The following PBX4 variants were observed in gnomAD, a reference collection of about 807,000 sequenced individuals.
The protein encoded by PBX4 is PBX homeobox 4.
In PBX4, 26 loss-of-function variants were observed where a neutral mutation model predicts 35.1. The observed-to-expected ratio is 0.74, with a 90% CI of 0.54 to 1.03. The LOEUF (loss-of-function observed/expected upper bound fraction) is 1.03, where lower values mean the gene tolerates loss of function less well. Ranked by LOEUF, PBX4 falls within the 50% of genes least tolerant of loss-of-function variation. The pLI is 0.00. For synonymous variants in PBX4, 199 were observed against 204.2 expected (o/e 0.97, Z 0.22); for missense variants, 448 against 504.3 (o/e 0.89, Z 1.07).
chr19:19,594,352 C>T (rs1342618148), intron 2 of PBX4, among the ~76,000 whole-genome samples: 2 of 150,680 alleles, frequency 1.3e-5, no homozygotes, highest in South Asian at 2.1e-4. Context: ...GCCGAGATTG[C>T]GCCATTGCAC....
chr19:19,606,697 G>A (rs572058331), intron 1 of PBX4: 1 of 152,314 alleles, frequency 6.6e-6, no homozygotes, highest in South Asian at 2.1e-4. Context: ...GACACGTTAT[G>A]GCTGGGTGCC....
At chr19:19,592,326 G>C (rs2061533815) in intron 2 of PBX4, among the ~76,000 whole-genome samples, 1 of 152,340 alleles carries the variant, frequency 6.6e-6, no homozygotes, top group East Asian at 1.9e-4. Flanking sequence ...TTTGTTCTCA[G>C]AACAGCTCCT....
intron 2 of PBX4, among the ~76,000 whole-genome samples, chr19:19,583,999 G>A (rs1188588720): frequency 1.3e-5 from 2 of 152,174 alleles, no homozygotes; most frequent in South Asian, 2.1e-4. Context: ...AACCCACGAG[G>A]CGGAGGTTGT....
chr19:19,612,568 T>C (rs891445493), intron 1 of PBX4, among the ~76,000 whole-genome samples: 3 of 151,966 alleles, frequency 2.0e-5, no homozygotes, highest in African/African-American at 7.3e-5. Flanking sequence ...GGCTGCAGGG[T>C]TTACTGTGAG....
At chr19:19,572,385 T>C (rs1160119642) in intron 2 of PBX4, among the ~76,000 whole-genome samples, 1 of 151,970 alleles carries the variant, frequency 6.6e-6, no homozygotes, top group African/African-American at 2.4e-5. Context: ...AATCAGGCTA[T>C]CTTAATAAGG....
chr19:19,611,464 A>C (rs2061662248), intron 1 of PBX4, among the ~76,000 whole-genome samples: 1 of 151,912 alleles, frequency 6.6e-6, no homozygotes. Context: ...GCAGATCATG[A>C]GGTCAGGAGT....
chr19:19,599,214 G>A (rs1439874471), intron 2 of PBX4, 78 bp downstream of exon 2: 21 of 1,237,068 alleles, frequency 1.7e-5, no homozygotes, highest in Admixed American at 3.7e-5. Context: ...TGATCTGCCC[G>A]CCTCCGCCTC....
intron 1 of PBX4, among the ~76,000 whole-genome samples, chr19:19,600,787 A>T (rs1323452857): frequency 1.4e-5 from 2 of 145,678 alleles, no homozygotes. Flanking sequence ...AGTGAACTCC[A>T]GCCTGGGCAA....
In PBX4 at chr19:19,563,472, C is replaced by T. The variant is rs1044230507; in HGVS notation, c.1032+37G>A. 20 of 1,468,720 alleles carry T rather than the reference C, an allele frequency of 1.4e-5. No individual in the cohort carries two copies. The Admixed American group carries it at 4.4e-4, about 33-fold the overall frequency. 91.0% of individuals were successfully genotyped at this position (1,468,720 alleles called of 1,614,324 possible). Reference sequence around the variant, plus strand: ...GACGACCCTTTCTGAGAACCTACCACCCACCTGGGCGCTGTGGGACAGTGC... The same window carrying T: ...GACGACCCTTTCTGAGAACCTACCATCCACCTGGGCGCTGTGGGACAGTGC... On this transcript the variant is annotated intron_variant, in intron 7 of 7. Coordinates refer to ENST00000251203, the MANE Select transcript of PBX4 (RefSeq NM_025245.3). The surrounding 1 kb of genome is among the most constrained non-coding windows in gnomAD (Gnocchi z 5.1).
At chr19:19,597,051 A>G (rs1023287497) in intron 2 of PBX4, among the ~76,000 whole-genome samples, 1 of 152,048 alleles carries the variant, frequency 6.6e-6, no homozygotes, top group Middle Eastern at 3.2e-3. Flanking sequence ...ATCTTTAATA[A>G]AAAATACAAA....
At chr19:19,568,315 T>C (rs1446057372) in intron 5 of PBX4, among the ~76,000 whole-genome samples, 165 of 71,254 alleles carry the variant, frequency 2.3e-3, no homozygotes, top group Middle Eastern at 0.011. Flanking sequence ...GCTCACACTC[T>C]ATCAGTATCC....
chr19:19,561,956 C>G lies in PBX4; in HGVS notation c.*69G>C, dbSNP rs534059373. 4.1e-5 allele frequency: 57 copies of G among 1,394,198 alleles called. No individual in the cohort carries two copies. The highest frequency in any genetic ancestry group is 5.3e-5 in the Non-Finnish European group (54 of 1,011,328). 86.4% of individuals were successfully genotyped at this position (1,394,198 alleles called of 1,614,324 possible). A position where few individuals can be genotyped will look rare whatever the true frequency, so the allele number is the denominator to read the frequency against. On this transcript the variant is annotated 3_prime_UTR_variant, in exon 8 of 8. Transcript: ENST00000251203. Reference sequence around the variant, plus strand: ...TTTCTGAGGTCGTCGGCGGCACGTTCAGTAACAAAGCAACGGCTGGCGATA... The same window carrying G: ...TTTCTGAGGTCGTCGGCGGCACGTTGAGTAACAAAGCAACGGCTGGCGATA...
intron 2 of PBX4, among the ~76,000 whole-genome samples, chr19:19,571,407 T>G (rs1411979849): frequency 6.6e-6 from 1 of 152,130 alleles, no homozygotes; most frequent in African/African-American, 2.4e-5. Context: ...CACTGAAAGA[T>G]TTTAAGCAGA....
At chr19:19,571,441 A>G (rs1241103344) in intron 2 of PBX4, among the ~76,000 whole-genome samples, 1 of 152,202 alleles carries the variant, frequency 6.6e-6, no homozygotes, top group Non-Finnish European at 1.5e-5. Flanking sequence ...GGGCCCTACA[A>G]TTTGGAAATG....
chr19:19,564,600 C>T (rs1326070744), intron 6 of PBX4, among the ~76,000 whole-genome samples: 3 of 152,092 alleles, frequency 2.0e-5, no homozygotes. Context: ...AGGGTTTCAC[C>T]ATGTTGGCCA....
chr19:19,612,471 C>G (rs942120896), intron 1 of PBX4, among the ~76,000 whole-genome samples: 2 of 152,000 alleles, frequency 1.3e-5, no homozygotes, highest in African/African-American at 4.8e-5. Flanking sequence ...TGAGAGTGGG[C>G]AGGATCAGAA....
intron 1 of PBX4, among the ~76,000 whole-genome samples, chr19:19,610,848 C>T (rs1456558547): frequency 6.6e-6 from 1 of 152,160 alleles, no homozygotes; most frequent in Non-Finnish European, 1.5e-5. Flanking sequence ...GCTAAGCCTG[C>T]AAGCAAGCTA....
intron 5 of PBX4, among the ~76,000 whole-genome samples, chr19:19,567,536 T>C (rs1281517481): frequency 6.6e-6 from 1 of 152,150 alleles, no homozygotes; most frequent in Non-Finnish European, 1.5e-5. Context: ...CCTGCTGCCA[T>C]AGAGGCTGTG....
rs576123156 is a variant in PBX4 at position 19,563,190 on chromosome 19, G to A, written c.1032+319C>T. Among the ~76,000 whole-genome samples the A allele has an allele frequency of 1.3e-5, 2 of 152,160 alleles. No individual in the cohort carries two copies. Among genetic ancestry groups the A allele is most frequent in the East Asian group, 1.9e-4 (1 of 5,164 alleles). On this transcript the variant is annotated intron_variant, in intron 7 of 7. Coordinates refer to ENST00000251203, the MANE Select transcript of PBX4 (RefSeq NM_025245.3). This position sits in a 1 kb window ranked among gnomAD's most constrained non-coding sequence, Gnocchi z 5.1. ...TGCTGGCTGCCTGCCCCTCCCTCTC[G>A]AGGGAAGGACACCATGTCCTCCCAC... is the stretch of plus-strand genomic sequence containing the variant.
Sources: gnomAD v4.1 joint callset for allele counts (sites outside exome capture counted in the v4.1 genomes callset) on GRCh38, gnomAD v4.1.1 for gene constraint, Gnocchi (gnomAD v3.1) non-coding constraint, MANE v1.5 for transcripts, NCBI Gene and HGNC (gene_info 2026-07-23, HGNC 2026-07-21) for gene names.